The following CARMIL1 variants were observed in gnomAD, a reference collection of about 807,000 sequenced individuals.
CARMIL1 encodes the protein F-actin-uncapping protein LRRC16A.
In CARMIL1, 90 loss-of-function variants were observed where a neutral mutation model predicts 177.1. That is an observed-to-expected ratio of 0.51 (90% CI 0.43 to 0.61). The LOEUF (loss-of-function observed/expected upper bound fraction) is 0.61. CARMIL1 is among the 20% of genes least tolerant of loss of function. The pLI is 0.00. For missense variants in CARMIL1, 1,380 were observed against 1,667.0 expected, an observed-to-expected ratio of 0.83 and a Z score of 3.00; for synonymous variants, 577 against 606.2, an observed-to-expected ratio of 0.95 and a Z score of 0.71.
chr6:25,579,937 A>G (rs1812975716), intron 29 of CARMIL1, among the ~76,000 whole-genome samples: 1 of 152,220 alleles, frequency 6.6e-6, no homozygotes, highest in African/African-American at 2.4e-5. Flanking sequence ...AAAACCTATT[A>G]AATGAAAGTA....
intron 11 of CARMIL1, among the ~76,000 whole-genome samples, chr6:25,476,915 C>T (rs1313807433): frequency 6.6e-6 from 1 of 151,542 alleles, no homozygotes; most frequent in Non-Finnish European, 1.5e-5. Flanking sequence ...GTGGTGAAAC[C>T]CCATCTCTAC....
At chr6:25,481,367 T>C (rs530400863) in intron 11 of CARMIL1, among the ~76,000 whole-genome samples, 65 of 152,268 alleles carry the variant, frequency 4.3e-4, no homozygotes, top group Non-Finnish European at 8.1e-4. Flanking sequence ...TTCTTAGAAG[T>C]TGTGATAAGA....
chr6:25,289,817 A>T (rs564350344), intron 2 of CARMIL1, among the ~76,000 whole-genome samples: 1 of 152,202 alleles, frequency 6.6e-6, no homozygotes, highest in Non-Finnish European at 1.5e-5. Context: ...TGGTTTAGCC[A>T]TTGGCTAGTT....
At chr6:25,576,033 CCT>C (rs1812554288) in intron 29 of CARMIL1, among the ~76,000 whole-genome samples, 1 of 152,094 alleles carries the variant, frequency 6.6e-6, no homozygotes, top group Non-Finnish European at 1.5e-5. Context: ...TCCCTCAACC[CCT>C]GACACTTCGC....
intron 2 of CARMIL1, among the ~76,000 whole-genome samples, chr6:25,331,060 G>A (rs1039370754): frequency 6.6e-6 from 1 of 152,116 alleles, no homozygotes; most frequent in Non-Finnish European, 1.5e-5. Context: ...TCAACAACAA[G>A]CAGCAAACTT....
rs1260313712 is a variant in CARMIL1, at chr6:25,471,242, A to G, written c.764A>G (p.Asn255Ser). ...SNRLEELVLE[N>S]AGLRTDFAQK... ...CGACTGGAAGAATTGGTGTTGGAAAATGCTGGACTTAGAACGTGAGTATTT... is the reference window on the plus strand; with the variant it reads ...CGACTGGAAGAATTGGTGTTGGAAAGTGCTGGACTTAGAACGTGAGTATTT... Residue 255 changes from asparagine to serine, a missense_variant, in exon 10 of 37, where the codon AAT becomes AGT. By Grantham distance (46) the Asn-to-Ser change is conservative (BLOSUM62 1). Transcript: ENST00000329474. 4 of 1,612,314 alleles carry G rather than the reference A, an allele frequency of 2.5e-6. No individual in the cohort carries two copies. The highest frequency in any genetic ancestry group is 3.4e-6 in the Non-Finnish European group (4 of 1,178,760).
intron 29 of CARMIL1, among the ~76,000 whole-genome samples, chr6:25,576,501 G>A (rs1011315255): frequency 3.9e-5 from 6 of 152,114 alleles, no homozygotes; most frequent in Admixed American, 2.0e-4. Context: ...CAGAAGAGAC[G>A]CCTGTACATG....
Position 25,556,740 on chromosome 6 carries a change from C to T in CARMIL1, c.2632C>T (p.Gln878Ter). The T allele has an allele frequency of 6.2e-7, 1 of 1,613,468 alleles. No individual in the cohort carries two copies. The highest frequency in any genetic ancestry group is 8.5e-7 in the Non-Finnish European group (1 of 1,179,638). ...FSRRGKTLPQQESLEIELAEE... is the reference protein window; with the variant it reads ...FSRRGKTLPQ ...CAGACGTGGCAAGACCCTTCCTCAA[C>T]AAGAATCCTTAGAGATCGAGCTGGC... The change falls in exon 29 of 37, where the codon CAA becomes TAA. Residue 878 changes from glutamine (Q) to a stop codon, truncating the protein, a stop_gained. Coordinates refer to ENST00000329474, the MANE Select transcript of CARMIL1 (RefSeq NM_017640.6). LOFTEE classifies it high-confidence loss of function.
At chr6:25,416,194 T>C (rs1795344240) in intron 2 of CARMIL1, among the ~76,000 whole-genome samples, 1 of 152,222 alleles carries the variant, frequency 6.6e-6, no homozygotes, top group Non-Finnish European at 1.5e-5. Context: ...TCTCTCATTG[T>C]ACTGCTGGTC....
chr6:25,316,619 T>G (rs926840192), intron 2 of CARMIL1, among the ~76,000 whole-genome samples: 5 of 151,922 alleles, frequency 3.3e-5, no homozygotes, highest in African/African-American at 1.2e-4. Context: ...ATCATGTTGG[T>G]CAGGCTGGTC....
At chr6:25,364,576 T>G (rs1789571203) in intron 2 of CARMIL1, among the ~76,000 whole-genome samples, 2 of 152,096 alleles carry the variant, frequency 1.3e-5, no homozygotes, top group South Asian at 4.2e-4. Flanking sequence ...TTTCTTCTTT[T>G]TTTTGAGACA....
chr6:25,585,721 G>A (rs1813581432), intron 31 of CARMIL1, among the ~76,000 whole-genome samples: 1 of 152,060 alleles, frequency 6.6e-6, no homozygotes, highest in Non-Finnish European at 1.5e-5. Context: ...GTGTCCCTGG[G>A]TACTTGAGAT....
At chr6:25,543,184 C>T (rs924570463) in intron 26 of CARMIL1, among the ~76,000 whole-genome samples, 4 of 152,222 alleles carry the variant, frequency 2.6e-5, no homozygotes, top group Admixed American at 2.6e-4. Flanking sequence ...ATTATCTTGG[C>T]CTCATGATAA....
intron 8 of CARMIL1, among the ~76,000 whole-genome samples, chr6:25,452,978 T>C (rs1337005001): frequency 6.6e-6 from 1 of 152,242 alleles, no homozygotes; most frequent in Non-Finnish European, 1.5e-5. Flanking sequence ...CTGTTTGGTC[T>C]ATCTTCTCCT....
chr6:25,439,544 C>A (rs1407180920), intron 5 of CARMIL1, among the ~76,000 whole-genome samples: 2 of 152,090 alleles, frequency 1.3e-5, no homozygotes, highest in African/African-American at 4.8e-5. Context: ...CAGTGAAAAA[C>A]CAGGGCCTGG....
intron 2 of CARMIL1, among the ~76,000 whole-genome samples, chr6:25,303,579 A>G (rs1344888822): frequency 6.6e-6 from 1 of 152,246 alleles, no homozygotes; most frequent in Non-Finnish European, 1.5e-5. Context: ...TGAAGCGCCA[A>G]TTATCATCTC....
chr6:25,521,217 A>G (rs950868342), intron 23 of CARMIL1, among the ~76,000 whole-genome samples: 2 of 152,162 alleles, frequency 1.3e-5, no homozygotes, highest in African/African-American at 4.8e-5. Flanking sequence ...TTTATGCTTC[A>G]CAAGGCCTGC....
At chr6:25,320,725 C>G (rs575452470) in intron 2 of CARMIL1, among the ~76,000 whole-genome samples, 1 of 152,264 alleles carries the variant, frequency 6.6e-6, no homozygotes, top group African/African-American at 2.4e-5. Context: ...CTCTGGAGTG[C>G]AGGTGGGAGG....
chr6:25,562,013 AT>A (rs1174243703), intron 29 of CARMIL1, among the ~76,000 whole-genome samples: 5 of 151,904 alleles, frequency 3.3e-5, no homozygotes, highest in African/African-American at 1.2e-4. Context: ...TTGTAATAGT[AT>A]TTTTTTATTT....
Sources: allele counts gnomAD v4.1 joint callset (sites outside exome capture counted in the v4.1 genomes callset), GRCh38; gene constraint gnomAD v4.1.1; transcripts MANE v1.5; gene names NCBI Gene and HGNC (gene_info 2026-07-23, HGNC 2026-07-21).